HCN4: variants seen among roughly 807,000 people sequenced by gnomAD.
HCN4 encodes potassium/sodium hyperpolarization-activated cyclic nucleotide-gated channel 4.
A neutral mutation model predicts 76.9 loss-of-function variants in HCN4; 29 were observed. That is an observed-to-expected ratio of 0.38 (90% CI 0.28 to 0.51). The LOEUF (loss-of-function observed/expected upper bound fraction) is 0.51, where lower values mean the gene tolerates loss of function less well. Ranked by LOEUF, HCN4 falls within the 20% of genes least tolerant of loss-of-function variation. The probability of loss-of-function intolerance (pLI) is 0.90; values close to 1 mark genes in which losing one functional copy is unlikely to be tolerated. For synonymous variants in HCN4, 772 were observed against 762.5 expected (o/e 1.01, Z -0.21); for missense variants, 1,416 against 1,715.2 (o/e 0.83, Z 3.08).
In HCN4 at chr15:73,323,389, T is replaced by C. The variant is rs1211283269; in HGVS notation, c.2704A>G (p.Thr902Ala). The change falls in exon 8 of 8, where the codon ACC becomes GCC. Residue 902 changes from threonine (T) to alanine (A), a missense_variant. This residue lies in a region of HCN4 where 633 missense variants were observed against 579.8 expected (regional missense o/e 1.09). Coordinates refer to ENST00000261917, the MANE Select transcript of HCN4 (RefSeq NM_005477.3). ...APTPSAGVAA[T>A]TIAGFGHFHK... ...AAGTGGCCAAACCCGGCTATGGTGG[T>C]GGCGGCTACGCCAGCTGATGGTGTG... 6.3e-7 allele frequency: 1 copy of C among 1,588,232 alleles called. No individual in the cohort carries two copies. The highest frequency in any genetic ancestry group is 2.3e-5 in the East Asian group (1 of 43,506).
In HCN4 at chr15:73,344,160, C is replaced by T. The variant is rs2043020052; in HGVS notation, c.786-352G>A. Among the ~76,000 whole-genome samples, 3 of 152,326 alleles carry T rather than the reference C, an allele frequency of 2.0e-5. No homozygotes were observed. The South Asian group carries it at 6.2e-4, about 32-fold the overall frequency. Reference sequence around the variant, plus strand: ...GAGGCTGTTTTAGCAAAAGGAGCAGCTCACCCCACACCACCCCAGGCTCAG... The same window carrying T: ...GAGGCTGTTTTAGCAAAAGGAGCAGTTCACCCCACACCACCCCAGGCTCAG... On this transcript the variant is annotated intron_variant, in intron 1 of 7. Transcript: ENST00000261917.
chr15:73,364,135 G>A (rs1202183173), intron 1 of HCN4, among the ~76,000 whole-genome samples: 1 of 152,138 alleles, frequency 6.6e-6, no homozygotes, highest in Non-Finnish European at 1.5e-5. Context: ...CTCAGTCTAG[G>A]AGAGGGTAGG....
In HCN4 at chr15:73,323,618, G is replaced by T; in HGVS notation, c.2475C>A (p.His825Gln). ...GNLGAGQTPR[H>Q]LKRLQSLIPS... ...GGATCAGGGACTGCAGCCGTTTCAG[G>T]TGCCTTGGCGTCTGCCCGGCACCGA... Residue 825 changes from histidine (H) to glutamine (Q), a missense_variant, in exon 8 of 8, where the codon CAC becomes CAA. This residue lies in a region of HCN4 where 633 missense variants were observed against 579.8 expected (regional missense o/e 1.09). Transcript: ENST00000261917. The T allele has an allele frequency of 6.2e-7, 1 of 1,600,342 alleles. No homozygotes were observed. The highest frequency in any genetic ancestry group is 8.5e-7 in the Non-Finnish European group (1 of 1,177,422).
intron 2 of HCN4, among the ~76,000 whole-genome samples, chr15:73,341,889 G>A (rs984448633): frequency 2.0e-5 from 3 of 152,230 alleles, no homozygotes; most frequent in East Asian, 1.9e-4. Context: ...GCTGCCAGTC[G>A]AGGCCCAGGC....
At chr15:73,365,929 G>GACAT (rs1376305809) in intron 1 of HCN4, among the ~76,000 whole-genome samples, 1 of 152,190 alleles carries the variant, frequency 6.6e-6, no homozygotes, top group East Asian at 1.9e-4. Context: ...GGGTGGAGGA[G>GACAT]ACATAGCCCC....
At chr15:73,349,292 A>G (rs1402204423) in intron 1 of HCN4, among the ~76,000 whole-genome samples, 1 of 151,990 alleles carries the variant, frequency 6.6e-6, no homozygotes, top group African/African-American at 2.4e-5. Context: ...TTGGACACTT[A>G]CCATTTGCCA....
intron 1 of HCN4, among the ~76,000 whole-genome samples, chr15:73,358,280 G>A (rs1001660711): frequency 3.9e-5 from 6 of 152,188 alleles, no homozygotes; most frequent in African/African-American, 1.2e-4. Context: ...TGGCATGAAC[G>A]GGACCTGTGG....
chr15:73,323,380 C>G lies in HCN4; in HGVS notation c.2713G>C (p.Ala905Pro). The G allele has an allele frequency of 6.3e-7, 1 of 1,587,586 alleles. No homozygotes were observed. The highest frequency in any genetic ancestry group is 1.1e-5 in the South Asian group (1 of 88,536). ...PSAGVAATTI[A>P]GFGHFHKALG... ...GCCTTGTGGAAGTGGCCAAACCCGGCTATGGTGGTGGCGGCTACGCCAGCT... is the reference window on the plus strand; with the variant it reads ...GCCTTGTGGAAGTGGCCAAACCCGGGTATGGTGGTGGCGGCTACGCCAGCT... Residue 905 changes from alanine to proline, a missense_variant, in exon 8 of 8, where the codon GCC (alanine) becomes CCC (proline). Physicochemically the swap from Ala to Pro is conservative, Grantham distance 27. This residue lies in a region of HCN4 where 633 missense variants were observed against 579.8 expected (regional missense o/e 1.09). Coordinates refer to ENST00000261917, the MANE Select transcript of HCN4 (RefSeq NM_005477.3).
chr15:73,352,646 G>A (rs1049400888), intron 1 of HCN4, among the ~76,000 whole-genome samples: 1 of 152,144 alleles, frequency 6.6e-6, no homozygotes, highest in African/African-American at 2.4e-5. Flanking sequence ...GCAGGCGGTG[G>A]GAGCAGAACC....
At position 73,322,968 on chromosome 15, in the gene HCN4, G is replaced by A. The variant is rs2042871424; in HGVS notation, c.3125C>T (p.Pro1042Leu). ...TCCGTGGGAGCCAGAGGCCCGGGGC[G>A]GGGCACTCGGGAAGGTTCTTGGGGG... ...PGPPRTFPSA[P>L]PRASGSHGSL... is the part of the protein sequence containing the mutation. Residue 1042 changes from proline (P) to leucine (L), a missense_variant, in exon 8 of 8, where the codon CCG (proline) becomes CTG (leucine). Transcript: ENST00000261917. 1.4e-5 allele frequency: 20 copies of A among 1,422,382 alleles called. No homozygotes were observed. Among genetic ancestry groups the A allele is most frequent in the South Asian group, 4.4e-5 (3 of 67,882 alleles). The allele number at this position is 1,422,382 out of a possible 1,614,324, so 88.1% of individuals were successfully genotyped here.
At chr15:73,362,565 T>C (rs960913110) in intron 1 of HCN4, among the ~76,000 whole-genome samples, 1 of 152,184 alleles carries the variant, frequency 6.6e-6, no homozygotes, top group Non-Finnish European at 1.5e-5. Context: ...TCCGTCCAAA[T>C]GCCACAAGGT....
intron 2 of HCN4, among the ~76,000 whole-genome samples, chr15:73,340,811 T>C (rs549836648): frequency 6.6e-6 from 1 of 152,270 alleles, no homozygotes; most frequent in African/African-American, 2.4e-5. Flanking sequence ...CAGTCCCCCA[T>C]GGAGGGGCCC....
intron 1 of HCN4, among the ~76,000 whole-genome samples, chr15:73,366,757 T>A (rs2043130085): frequency 6.6e-6 from 1 of 152,130 alleles, no homozygotes; most frequent in Non-Finnish European, 1.5e-5. Flanking sequence ...GTCTCTGGGG[T>A]ATGGATGGGC....
In HCN4 at chr15:73,361,319, G is replaced by A. The variant is rs571116940; in HGVS notation, c.785+6167C>T. ...CTCCCAGTGGCTTCCTAGCCCTTGG[G>A]ACTGCAGACTTCTAGGGCCCTGGCA... On this transcript the variant is annotated intron_variant, in intron 1 of 7. Transcript: ENST00000261917. Among the ~76,000 whole-genome samples, 15 of 152,288 alleles carry A rather than the reference G, an allele frequency of 9.8e-5. No homozygotes were observed. In the East Asian group the frequency reaches 2.9e-3, roughly 29 times the overall value.
rs753734843 is a variant in HCN4, at chr15:73,322,804, C to T, written c.3289G>A (p.Gly1097Arg). 1.2e-5 allele frequency: 18 copies of T among 1,537,902 alleles called. No individual in the cohort carries two copies. The highest frequency in any genetic ancestry group is 1.0e-4 in the Admixed American group (5 of 49,698). The change falls in exon 8 of 8, where the codon GGG (glycine) becomes AGG (arginine). Residue 1097 changes from glycine (G) to arginine (R), a missense_variant. Gly to Arg is a moderately radical substitution (Grantham distance 125). This residue lies in a region of HCN4 where 633 missense variants were observed against 579.8 expected (regional missense o/e 1.09). Transcript: ENST00000261917. ...SASQPALPQD[G>R]AQTLRRASPH... ...GAGGCTCTGCGGAGAGTCTGCGCCC[C>T]GTCCTGAGGCAGGGCTGGCTGAGAC...
rs137868218 is a variant in HCN4, at chr15:73,341,587, T to C, written c.1209+1798A>G. ...GGACCCAAAGCTACATGCTAGGCAG[T>C]GTGGAGCCGGGATTTTAACTTGGGT... On this transcript the variant is annotated intron_variant, in intron 2 of 7. Coordinates refer to ENST00000261917, the MANE Select transcript of HCN4 (RefSeq NM_005477.3). 2.2e-3 allele frequency among the ~76,000 whole-genome samples: 328 copies of C among 152,332 alleles called. 1 individual carries two copies. The highest frequency in any genetic ancestry group is 0.013 in the Admixed American group (202 of 15,302).
chr15:73,347,758 C>A (rs1460153497), intron 1 of HCN4, among the ~76,000 whole-genome samples: 2 of 152,112 alleles, frequency 1.3e-5, no homozygotes, highest in Non-Finnish European at 2.9e-5. Flanking sequence ...AAGCAAGGGG[C>A]AGTCAGGCTC....
In HCN4 at chr15:73,368,152, C is replaced by A; in HGVS notation, c.119G>T (p.Arg40Leu). 1.3e-6 allele frequency: 2 copies of A among 1,522,168 alleles called. No individual in the cohort carries two copies. The highest frequency in any genetic ancestry group is 1.4e-5 in the African/African-American group (1 of 69,802). The allele number at this position is 1,522,168 out of a possible 1,614,324, so 94.3% of individuals were successfully genotyped here. ...GATGCTCCTGCGGCTGGGGTCTTGG[C>A]GGCCCCCGGCCCCCTCCTCCTCGGC... ...EDAEEEGAGGRQDPSRRSIRL... is the reference protein window; with the variant it reads ...EDAEEEGAGGLQDPSRRSIRL... The change falls in exon 1 of 8, where the codon CGC becomes CTC. Residue 40 changes from arginine to leucine, a missense_variant. Around this residue, in one of 6 missense-constraint regions of HCN4, gnomAD observed 355 missense variants for 347.8 expected, o/e 1.02. Transcript: ENST00000261917. The surrounding 1 kb of genome is among the most constrained non-coding windows in gnomAD (Gnocchi z 6.9).
chr15:73,344,044 C>T lies in HCN4; in HGVS notation c.786-236G>A, dbSNP rs59094494. On this transcript the variant is annotated intron_variant, in intron 1 of 7. Transcript: ENST00000261917. Reference sequence around the variant, plus strand: ...CGTGCTGCCCTTCTGTGAGTTTCCCCGAGCCCCAACAACAAGCTTCCTCCT... The same window carrying T: ...CGTGCTGCCCTTCTGTGAGTTTCCCTGAGCCCCAACAACAAGCTTCCTCCT... 2.7e-3 allele frequency among the ~76,000 whole-genome samples: 405 copies of T among 152,254 alleles called. 4 individuals carry two copies. Among genetic ancestry groups the T allele is most frequent in the African/African-American group, 9.0e-3 (374 of 41,550 alleles).
Sources: allele counts gnomAD v4.1 joint callset (sites outside exome capture counted in the v4.1 genomes callset), GRCh38; gene constraint gnomAD v4.1.1; regional missense constraint gnomAD v4.1.1; non-coding constraint Gnocchi (gnomAD v3.1); transcripts MANE v1.5; gene names NCBI Gene and HGNC (gene_info 2026-07-23, HGNC 2026-07-21).